IZUMO3: variants seen among roughly 807,000 people sequenced by gnomAD.
IZUMO3 encodes the protein izumo sperm-egg fusion protein 3.
A neutral mutation model predicts 28.4 loss-of-function variants in IZUMO3; 36 were observed. That is an observed-to-expected ratio of 1.27 (90% CI 0.97 to 1.67). The LOEUF is 1.67. Ranked by LOEUF, IZUMO3 falls within the 40% of genes most tolerant of loss-of-function variation. IZUMO3 has a pLI of 0.00. For missense variants in IZUMO3, 387 were observed against 278.5 expected (o/e 1.39, Z -2.77); for synonymous variants, 126 against 99.2 (o/e 1.27, Z -1.61).
At chr9:24,544,855 G>A in intron 3 of IZUMO3, 95 bp from the exon 4 acceptor site, 1 of 1,361,790 alleles carries the variant, frequency 7.3e-7, no homozygotes, top group Non-Finnish European at 1.0e-6. Context: ...TTAAGTTCCA[G>A]TTACCTCTCC....
chr9:24,544,131 A>T, intron 5 of IZUMO3, 70 bp downstream of exon 5: 1 of 1,048,556 alleles, frequency 9.5e-7, no homozygotes, highest in Non-Finnish European at 1.5e-6. Flanking sequence ...ATACATGTAG[A>T]ATAAATCAGT....
Position 24,545,652 on chromosome 9 carries a change from C to G in IZUMO3, c.-3G>C, listed in dbSNP as rs1002932652. ...AGGAATAACCACAGGTCACCCATTT[C>G]TTTCTTCACCCCCGCTCCCCGACAG... On this transcript the variant is annotated 5_prime_UTR_variant, in exon 1 of 7. Transcript: ENST00000543880. The G allele has an allele frequency of 2.0e-6, 3 of 1,534,984 alleles. No individual in the cohort carries two copies. In the African/African-American group the frequency reaches 4.1e-5, roughly 21 times the overall value.
At chr9:24,543,446 T>TG in intron 6 of IZUMO3, 79 bp from the exon 7 acceptor site, 2 of 753,944 alleles carry the variant, frequency 2.7e-6, no homozygotes, top group South Asian at 6.9e-5. Flanking sequence ...TTGTTTTTTT[T>TG]TTTTTTTTTT....
Position 24,543,047 on chromosome 9 carries a change from C to G in IZUMO3, c.*182G>C. ...TGTACAACTCTGGCCAAATTATTTG[C>G]TCTCCCATTACTTCCGTTGTCTCAG... On this transcript the variant is annotated 3_prime_UTR_variant, in exon 7 of 7. Transcript: ENST00000543880. The G allele has an allele frequency of 2.1e-6, 1 of 485,406 alleles. No homozygotes were observed. Among genetic ancestry groups the G allele is most frequent in the Non-Finnish European group, 3.5e-6 (1 of 285,552 alleles). The allele number at this position is 485,406 out of a possible 1,614,324, so 30.1% of individuals were successfully genotyped here. A position where few individuals can be genotyped will look rare whatever the true frequency, so the allele number is the denominator to read the frequency against.
rs1489947349 is a variant in IZUMO3, at chr9:24,545,897, T to A, written c.-248A>T. The A allele has an allele frequency of 6.1e-6, 9 of 1,478,284 alleles. No individual in the cohort carries two copies. In the South Asian group the frequency reaches 9.7e-5, roughly 16 times the overall value. The allele number at this position is 1,478,284 out of a possible 1,614,324, so 91.6% of individuals were successfully genotyped here. On this transcript the variant is annotated 5_prime_UTR_variant, in exon 1 of 7. Transcript: ENST00000543880. ...AGCTGGGGAGCGGATACCTGAGTTC[T>A]GAGTGTAGAACACCAAGAGATAGAG...
intron 6 of IZUMO3, 68 bp from the exon 7 acceptor site, chr9:24,543,435 ATT>A: frequency 2.7e-5 from 2 of 75,202 alleles, no homozygotes; most frequent in South Asian, 5.7e-4. Flanking sequence ...CCAGTTATAC[ATT>A]GTTTTTTTTT....
In IZUMO3 at chr9:24,544,477, C is replaced by T. The variant is rs574983627; in HGVS notation, c.410-196G>A. 1.8e-4 allele frequency among the ~76,000 whole-genome samples: 28 copies of T among 152,102 alleles called. No homozygotes were observed. In the East Asian group the frequency reaches 2.1e-3, roughly 12 times the overall value. On this transcript the variant is annotated intron_variant, in intron 4 of 6. Coordinates refer to ENST00000543880, the MANE Select transcript of IZUMO3 (RefSeq NM_001365008.2). ...TGTAAGTCTGATCTCCAGGAAAAAG[C>T]GGGAAAAGGATGCCTCAGCTTATAC...
chr9:24,545,526 A>T lies in IZUMO3; in HGVS notation c.124T>A (p.Ser42Thr). 3 of 1,535,296 alleles carry T rather than the reference A, an allele frequency of 2.0e-6. No individual in the cohort carries two copies. Among genetic ancestry groups the T allele is most frequent in the Non-Finnish European group, 2.6e-6 (3 of 1,146,692 alleles). ...VGSLLGNLIPSEVPGRTQLLE... is the reference protein window; with the variant it reads ...VGSLLGNLIPTEVPGRTQLLE... The stretch of plus-strand genomic sequence containing the variant: ...AGCTGAGTTCGGCCGGGGACTTCTG[A>T]AGGTATCAGATTTCCCAGCAAGGAG... Residue 42 changes from serine (S) to threonine (T), a missense_variant, in exon 1 of 7, where the codon TCA (serine) becomes ACA (threonine). By Grantham distance (58) the Ser-to-Thr change is moderately conservative. Transcript: ENST00000543880.
rs1028402756 is a variant in IZUMO3, at chr9:24,545,781, A to T, written c.-132T>A. Reference sequence around the variant, plus strand: ...TGACTCCACTTTTCCCGCTGTTTCCATCCCACTATCGGGCAATCTTTAGTT... The same window carrying T: ...TGACTCCACTTTTCCCGCTGTTTCCTTCCCACTATCGGGCAATCTTTAGTT... On this transcript the variant is annotated 5_prime_UTR_variant, in exon 1 of 7. The change abolishes an upstream ATG in the 5' untranslated region. Coordinates refer to ENST00000543880, the MANE Select transcript of IZUMO3 (RefSeq NM_001365008.2). 5 of 1,537,168 alleles carry T rather than the reference A, an allele frequency of 3.3e-6. No homozygotes were observed. The African/African-American group carries it at 5.5e-5, about 17-fold the overall frequency.
rs1819580248 is a variant in IZUMO3, at chr9:24,545,764, C to T, written c.-115G>A. On this transcript the variant is annotated 5_prime_UTR_variant, in exon 1 of 7. In the 5' UTR this introduces an upstream ATG that the reference lacks. Coordinates refer to ENST00000543880, the MANE Select transcript of IZUMO3 (RefSeq NM_001365008.2). ...CCTGGTTCTGGATAGTCTGACTCCA[C>T]TTTTCCCGCTGTTTCCATCCCACTA... 1.3e-6 allele frequency: 2 copies of T among 1,533,328 alleles called. No homozygotes were observed. Among genetic ancestry groups the T allele is most frequent in the Admixed American group, 4.0e-5 (2 of 49,818 alleles). 95.0% of individuals were successfully genotyped at this position (1,533,328 alleles called of 1,614,324 possible). A position where few individuals can be genotyped will look rare whatever the true frequency, so the allele number is the denominator to read the frequency against.
Position 24,545,223 on chromosome 9 carries a change from T to G in IZUMO3, c.290A>C (p.Glu97Ala). 1 of 1,550,130 alleles carries G rather than the reference T, an allele frequency of 6.5e-7. No homozygotes were observed. The change falls in exon 2 of 7, where the codon GAA becomes GCA. Residue 97 changes from glutamate to alanine, a missense_variant. Physicochemically the swap from Glu to Ala is moderately radical, Grantham distance 107 (BLOSUM62 -1). Coordinates refer to ENST00000543880, the MANE Select transcript of IZUMO3 (RefSeq NM_001365008.2). ...LKNEFYKLGN[E>A]TWKGVFIYQG... ...AAACAGTACCTCACCTTTCCATGTT[T>G]CATTGCCCAGTTTATAAAATTCATT...
At position 24,543,701 on chromosome 9, in the gene IZUMO3, G is replaced by A. The variant is rs1375809056; in HGVS notation, c.544C>T (p.Leu182=). 6.5e-7 allele frequency: 1 copy of A among 1,549,292 alleles called. No individual in the cohort carries two copies. The highest frequency in any genetic ancestry group is 2.0e-5 in the Admixed American group (1 of 50,946). The change falls in exon 6 of 7, where the codon CTG becomes TTG. Residue 182 remains leucine, a synonymous_variant. Coordinates refer to ENST00000543880, the MANE Select transcript of IZUMO3 (RefSeq NM_001365008.2). ...NREIALFLIL[L]ATAVILGSAV... is the part of the protein sequence containing the mutation. ...CTTCCCAGTATTACAGCTGTTGCCA[G>A]CAATATGAGAAATAGAGCAATCTCT...
At chr9:24,544,375 T>C (rs1819532099) in intron 4 of IZUMO3, 94 bp from the exon 5 acceptor site, 8 of 872,418 alleles carry the variant, frequency 9.2e-6, no homozygotes, top group Non-Finnish European at 1.5e-5. Flanking sequence ...ATCTCAAGCA[T>C]TCCCAGGACT....
In IZUMO3 at chr9:24,543,222, G is replaced by C; in HGVS notation, c.*7C>G. 6.5e-7 allele frequency: 1 copy of C among 1,536,962 alleles called. No homozygotes were observed. Among genetic ancestry groups the C allele is most frequent in the Non-Finnish European group, 8.8e-7 (1 of 1,140,290 alleles). The stretch of plus-strand genomic sequence containing the variant: ...TCATGAAAGACTTCTTGTCCATGTT[G>C]ATGTGTTTATTTTCTGAGTCTAAAG... On this transcript the variant is annotated 3_prime_UTR_variant, in exon 7 of 7. Transcript: ENST00000543880.
At position 24,545,838 on chromosome 9, in the gene IZUMO3, A is replaced by G. The variant is rs930695210; in HGVS notation, c.-189T>C. 6.5e-7 allele frequency: 1 copy of G among 1,539,954 alleles called. No homozygotes were observed. The highest frequency in any genetic ancestry group is 2.0e-5 in the Admixed American group (1 of 50,414). On this transcript the variant is annotated 5_prime_UTR_variant, in exon 1 of 7. Coordinates refer to ENST00000543880, the MANE Select transcript of IZUMO3 (RefSeq NM_001365008.2). ...TTTAATGATCTTTAGTTGTTTACTGACTATTATCCTTCATTCTAGGAGAGG... is the reference window on the plus strand; with the variant it reads ...TTTAATGATCTTTAGTTGTTTACTGGCTATTATCCTTCATTCTAGGAGAGG...
chr9:24,544,944 G>T (rs1286650933), intron 3 of IZUMO3, 28 bp downstream of exon 3: 4 of 1,444,154 alleles, frequency 2.8e-6, no homozygotes, highest in African/African-American at 1.4e-5. Context: ...TATAACTTCA[G>T]TGCTGTTATA....
At chr9:24,543,458 TTTTTTTTTTTTTTTG>T in intron 6 of IZUMO3, 91 bp from the exon 7 acceptor site, 3 of 926,142 alleles carry the variant, frequency 3.2e-6, no homozygotes, top group Non-Finnish European at 4.3e-6. Flanking sequence ...TTTTTTTTTT[TTTTTTTTTTTTTTTG>T]CTGGATACTT....
Position 24,545,589 on chromosome 9 carries a change from A to C in IZUMO3, c.61T>G (p.Cys21Gly), listed in dbSNP as rs780591198. Residue 21 changes from cysteine (C) to glycine (G), a missense_variant, in exon 1 of 7, where the codon TGT (cysteine) becomes GGT (glycine). Cys to Gly is a radical substitution (Grantham distance 159, BLOSUM62 -3). Transcript: ENST00000543880. ...ATAAATTTGGGGTCACATTCTAAAC[A>C]GCCTTTGACTCCATGGAAGGCTGAG... ...PLSAFHGVKG[C>G]LECDPKFIED... 2.2e-4 allele frequency: 338 copies of C among 1,535,436 alleles called. 1 individual carries two copies. Among genetic ancestry groups the C allele is most frequent in the Middle Eastern group, 1.7e-3 (10 of 5,978 alleles).
At position 24,545,441 on chromosome 9, in the gene IZUMO3, T is replaced by C; in HGVS notation, c.209A>G (p.Lys70Arg). 5 of 1,538,782 alleles carry C rather than the reference T, an allele frequency of 3.2e-6. No homozygotes were observed. Among genetic ancestry groups the C allele is most frequent in the Non-Finnish European group, 4.4e-6 (5 of 1,146,776 alleles). ...HLSFKVSHSD[K>R]RLRVLAVQQV... ...TCCCTCACCCAACACCCGAAGCCTC[T>C]TGTCACTGTGGGAGACCTTGAAGCT... is the stretch of plus-strand genomic sequence containing the variant. The change falls in exon 1 of 7, where the codon AAG (lysine) becomes AGG (arginine). Residue 70 changes from lysine (K) to arginine (R), a missense_variant. Lys to Arg is a conservative substitution (Grantham distance 26). Transcript: ENST00000543880.
Sources: allele counts gnomAD v4.1 joint callset (sites outside exome capture counted in the v4.1 genomes callset), GRCh38; gene constraint gnomAD v4.1.1; transcripts MANE v1.5; gene names NCBI Gene and HGNC (gene_info 2026-07-23, HGNC 2026-07-21).